The following SMAD9 variants were observed in gnomAD, a reference collection of about 807,000 sequenced individuals.
The protein encoded by SMAD9 is SMAD family member 9.
In SMAD9, 36 loss-of-function variants were observed where a neutral mutation model predicts 46.1. That is an observed-to-expected ratio of 0.78 (90% CI 0.60 to 1.03). The LOEUF (loss-of-function observed/expected upper bound fraction) is 1.03. Among genes scored for constraint, SMAD9 ranks in the 50% least tolerant of loss-of-function variants. SMAD9 has a pLI of 0.00. For synonymous variants in SMAD9, 245 were observed against 237.1 expected, an observed-to-expected ratio of 1.03 and a Z score of -0.31; for missense variants, 572 against 599.8, an observed-to-expected ratio of 0.95 and a Z score of 0.48.
At chr13:36,905,636 T>C (rs2058612656) in intron 1 of SMAD9, among the ~76,000 whole-genome samples, 1 of 151,668 alleles carries the variant, frequency 6.6e-6, no homozygotes, top group South Asian at 2.1e-4. Context: ...TAGCCAGGTG[T>C]GGCTCTGCAG....
At position 36,879,295 on chromosome 13, in the gene SMAD9, C is replaced by A; in HGVS notation, c.395G>T (p.Arg132Leu). The change falls in exon 2 of 7, where the codon CGC (arginine) becomes CTC (leucine). Residue 132 changes from arginine (R) to leucine (L), a missense_variant. Physicochemically the swap from Arg to Leu is moderately radical, Grantham distance 102 (BLOSUM62 -2). Transcript: ENST00000379826. The stretch of plus-strand genomic sequence containing the variant: ...CGACCCACCTGGAGTCTCCACCCGG[C>A]GGTAGTGGTAAGGGTTAATGCACAC... Reference protein sequence around the residue: ...KEVCINPYHYRRVETPVLPPV... With the variant: ...KEVCINPYHYLRVETPVLPPV... 1.2e-6 allele frequency: 2 copies of A among 1,613,896 alleles called. No individual in the cohort carries two copies. The highest frequency in any genetic ancestry group is 1.7e-6 in the Non-Finnish European group (2 of 1,179,898).
chr13:36,876,692 G>A (rs528402367), intron 2 of SMAD9, among the ~76,000 whole-genome samples: 3 of 152,280 alleles, frequency 2.0e-5, no homozygotes, highest in South Asian at 2.1e-4. Context: ...AATTATTGAA[G>A]TGGATGTGTG....
rs189227278 is a variant in SMAD9, at chr13:36,907,019, T to C, written c.-187+13097A>G. Among the ~76,000 whole-genome samples the C allele has an allele frequency of 4.6e-5, 7 of 152,244 alleles. No individual in the cohort carries two copies. The East Asian group carries it at 1.3e-3, about 29-fold the overall frequency. Reference sequence around the variant, plus strand: ...TCAACAAATGAATGAATGAACAAATTGTTATATATATACAATAAAATACTA... The same window carrying C: ...TCAACAAATGAATGAATGAACAAATCGTTATATATATACAATAAAATACTA... On this transcript the variant is annotated intron_variant, in intron 1 of 6. Coordinates refer to ENST00000379826, the MANE Select transcript of SMAD9 (RefSeq NM_001127217.3).
chr13:36,875,897 A>C (rs2058341695), intron 2 of SMAD9, among the ~76,000 whole-genome samples: 1 of 152,230 alleles, frequency 6.6e-6, no homozygotes, highest in African/African-American at 2.4e-5. Context: ...CTATCTTGAT[A>C]ATATATTTTT....
At chr13:36,864,904 T>G (rs1231500210) in intron 5 of SMAD9, among the ~76,000 whole-genome samples, 1 of 152,138 alleles carries the variant, frequency 6.6e-6, no homozygotes, top group Admixed American at 6.5e-5. Flanking sequence ...ACTATTCCAA[T>G]AGAAAAGAAA....
At chr13:36,864,486 A>G (rs567792704) in intron 5 of SMAD9, among the ~76,000 whole-genome samples, 37 of 152,198 alleles carry the variant, frequency 2.4e-4, no homozygotes, top group African/African-American at 8.9e-4. Flanking sequence ...TATGGATGAC[A>G]TATCTGGATT....
intron 3 of SMAD9, among the ~76,000 whole-genome samples, chr13:36,868,441 A>G (rs754979917): frequency 2.0e-5 from 3 of 152,230 alleles, no homozygotes; most frequent in Non-Finnish European, 2.9e-5. Context: ...ATGTCTATTT[A>G]CTCAAGAAGC....
intron 1 of SMAD9, among the ~76,000 whole-genome samples, chr13:36,894,875 T>C (rs1353659872): frequency 6.6e-6 from 1 of 152,168 alleles, no homozygotes; most frequent in Non-Finnish European, 1.5e-5. Context: ...AACTAGCCCT[T>C]GTAGAAACAT....
chr13:36,869,147 G>A (rs2058264212), intron 3 of SMAD9, among the ~76,000 whole-genome samples: 1 of 152,040 alleles, frequency 6.6e-6, no homozygotes, highest in Non-Finnish European at 1.5e-5. Context: ...TCAGTACGGA[G>A]TTTCCGTTTG....
chr13:36,878,766 C>A (rs1277364767), intron 2 of SMAD9, among the ~76,000 whole-genome samples: 2 of 152,032 alleles, frequency 1.3e-5, no homozygotes, highest in Non-Finnish European at 2.9e-5. Context: ...TTAATTTTTA[C>A]AGCTCATCAT....
chr13:36,871,778 C>T (rs1016857040), intron 3 of SMAD9, among the ~76,000 whole-genome samples: 1 of 152,200 alleles, frequency 6.6e-6, no homozygotes, highest in African/African-American at 2.4e-5. Flanking sequence ...TCTTTATCTT[C>T]CCACATCGTA....
At chr13:36,862,088 A>T (rs1304270129) in intron 5 of SMAD9, among the ~76,000 whole-genome samples, 1 of 152,178 alleles carries the variant, frequency 6.6e-6, no homozygotes, top group Admixed American at 6.6e-5. Flanking sequence ...CCCTCTCCTC[A>T]GCCAGGGAGC....
intron 2 of SMAD9, among the ~76,000 whole-genome samples, chr13:36,876,183 G>C (rs58166266): frequency 0.02 from 2,634 of 133,020 alleles, 63 homozygotes; most frequent in African/African-American, 0.093. Context: ...TGTCACACGG[G>C]GGGAGACAGC....
intron 5 of SMAD9, among the ~76,000 whole-genome samples, chr13:36,856,142 C>T (rs1039101654): frequency 7.2e-5 from 11 of 152,072 alleles, no homozygotes; most frequent in African/African-American, 2.2e-4. Flanking sequence ...ATGCAAACAC[C>T]GCCTCTTACA....
At chr13:36,854,699 ACAGTTAATAT>A (rs2058106643) in intron 5 of SMAD9, among the ~76,000 whole-genome samples, 1 of 152,296 alleles carries the variant, frequency 6.6e-6, no homozygotes, top group Non-Finnish European at 1.5e-5. Context: ...AAAACTGGAC[ACAGTTAATAT>A]CATGAAAATG....
intron 1 of SMAD9, among the ~76,000 whole-genome samples, chr13:36,882,698 C>T (rs867189960): frequency 5.9e-5 from 9 of 152,074 alleles, no homozygotes; most frequent in Admixed American, 1.3e-4. Context: ...AGAAATAGAT[C>T]GAAAAGATTT....
intron 2 of SMAD9, 97 bp from the exon 3 acceptor site, chr13:36,873,012 G>T: frequency 7.1e-7 from 1 of 1,415,930 alleles, no homozygotes; most frequent in Non-Finnish European, 9.8e-7. Flanking sequence ...TTTTGTTTAT[G>T]ATAGAGCTGT....
chr13:36,891,274 T>C (rs1182446343), intron 1 of SMAD9, among the ~76,000 whole-genome samples: 1 of 152,192 alleles, frequency 6.6e-6, no homozygotes, highest in East Asian at 1.9e-4. Context: ...CATTCATTCT[T>C]TGATTCAGTC....
chr13:36,894,985 G>A (rs189308333), intron 1 of SMAD9, among the ~76,000 whole-genome samples: 20 of 152,106 alleles, frequency 1.3e-4, no homozygotes, highest in African/African-American at 4.8e-4. Flanking sequence ...CAGTTTTCCC[G>A]AATTGTTTGG....
Sources: allele counts gnomAD v4.1 joint callset (sites outside exome capture counted in the v4.1 genomes callset), GRCh38; gene constraint gnomAD v4.1.1; transcripts MANE v1.5; gene names NCBI Gene and HGNC (gene_info 2026-07-23, HGNC 2026-07-21).